Variants in MAN1C1 observed in about 807,000 individuals in gnomAD.
MAN1C1 encodes mannosidase alpha class 1C member 1, also known as mannosyl-oligosaccharide 1,2-alpha-mannosidase IC.
Under a neutral mutation model 71.5 loss-of-function variants are expected in MAN1C1, and 49 were observed. That is an observed-to-expected ratio of 0.69 (90% CI 0.54 to 0.87). The LOEUF (loss-of-function observed/expected upper bound fraction) is 0.87. Ranked by LOEUF, MAN1C1 falls within the 40% of genes least tolerant of loss-of-function variation. MAN1C1 has a pLI of 0.00. For synonymous variants in MAN1C1, 352 were observed against 343.7 expected, an observed-to-expected ratio of 1.02 and a Z score of -0.27; for missense variants, 743 against 835.0, an observed-to-expected ratio of 0.89 and a Z score of 1.36.
intron 1 of MAN1C1, among the ~76,000 whole-genome samples, chr1:25,679,566 A>AT (rs1032896875): frequency 3.9e-5 from 6 of 152,046 alleles, no homozygotes; most frequent in African/African-American, 1.4e-4. Flanking sequence ...GTTAAAAAAA[A>AT]AAAAAAAGGC....
intron 1 of MAN1C1, among the ~76,000 whole-genome samples, chr1:25,626,479 C>T (rs901576133): frequency 6.6e-6 from 1 of 152,072 alleles, no homozygotes; most frequent in Non-Finnish European, 1.5e-5. Context: ...CTGCCTCAGC[C>T]TTCTGAGTAG....
At chr1:25,619,747 C>T (rs1364316531) in intron 1 of MAN1C1, among the ~76,000 whole-genome samples, 1 of 152,164 alleles carries the variant, frequency 6.6e-6, no homozygotes, top group Non-Finnish European at 1.5e-5. Flanking sequence ...TTCATTTCTC[C>T]CTTTCTTGTT....
intron 1 of MAN1C1, among the ~76,000 whole-genome samples, chr1:25,661,741 T>C (rs2045852162): frequency 6.6e-6 from 1 of 152,242 alleles, no homozygotes; most frequent in African/African-American, 2.4e-5. Context: ...CTAATTGTTC[T>C]CAGTGCTGTG....
intron 1 of MAN1C1, among the ~76,000 whole-genome samples, chr1:25,638,835 G>A (rs2045499636): frequency 6.6e-6 from 1 of 152,114 alleles, no homozygotes; most frequent in African/African-American, 2.4e-5. Flanking sequence ...GACTATTGTA[G>A]TTAGGTGTGA....
At chr1:25,624,918 A>T (rs2045270423) in intron 1 of MAN1C1, among the ~76,000 whole-genome samples, 1 of 151,486 alleles carries the variant, frequency 6.6e-6, no homozygotes, top group Non-Finnish European at 1.5e-5. Flanking sequence ...TTGTGATCTC[A>T]TCTTATTTTT....
intron 2 of MAN1C1, among the ~76,000 whole-genome samples, chr1:25,745,957 C>T (rs1389389785): frequency 6.6e-6 from 1 of 151,890 alleles, no homozygotes; most frequent in Non-Finnish European, 1.5e-5. Context: ...CACCATTATA[C>T]TCCAGTCTGA....
chr1:25,679,103 A>G (rs556702662), intron 1 of MAN1C1, among the ~76,000 whole-genome samples: 8 of 152,246 alleles, frequency 5.3e-5, no homozygotes, highest in African/African-American at 1.9e-4. Flanking sequence ...ATTTATGCAG[A>G]AGAGAGAAGG....
rs2047714573 is a variant in MAN1C1, at chr1:25,782,768, C to G, written c.1766+68C>G. 1 of 1,157,626 alleles carries G rather than the reference C, an allele frequency of 8.6e-7. No individual in the cohort carries two copies. The highest frequency in any genetic ancestry group is 1.5e-5 in the African/African-American group (1 of 66,138). The allele number at this position is 1,157,626 out of a possible 1,614,324, so 71.7% of individuals were successfully genotyped here. On this transcript the variant is annotated intron_variant, in intron 11 of 11. Transcript: ENST00000374332. The surrounding 1 kb of genome is among the most constrained non-coding windows in gnomAD (Gnocchi z 4.4). ...TTGAGGGTAGGGGTCCGCAGTCCCT[C>G]CCCTCCACAGTCAGGTTCTGTGGTC...
intron 10 of MAN1C1, among the ~76,000 whole-genome samples, chr1:25,781,573 C>T (rs1244371867): frequency 1.3e-5 from 2 of 152,224 alleles, no homozygotes; most frequent in African/African-American, 2.4e-5. Context: ...CCTACCCTGC[C>T]CTCAGCCTCC....
chr1:25,623,456 G>T (rs112707717), intron 1 of MAN1C1, among the ~76,000 whole-genome samples: 15 of 112,064 alleles, frequency 1.3e-4, no homozygotes, highest in Non-Finnish European at 1.9e-4. Context: ...AGTGGTGGTG[G>T]GGGGGGGTAA....
At position 25,708,871 on chromosome 1, in the gene MAN1C1, C is replaced by T. The variant is rs560546314; in HGVS notation, c.637+22335C>T. On this transcript the variant is annotated intron_variant, in intron 2 of 11. Coordinates refer to ENST00000374332, the MANE Select transcript of MAN1C1 (RefSeq NM_020379.4). ...TGCACTCCAGCCTGGGCAACAAGAG[C>T]GAAACGCTGTCAAAAGAAGAAAAAA... is the stretch of plus-strand genomic sequence containing the variant. Among the ~76,000 whole-genome samples the T allele has an allele frequency of 2.0e-4, 31 of 151,536 alleles. No homozygotes were observed. The South Asian group carries it at 3.3e-3, about 16-fold the overall frequency.
chr1:25,679,978 T>TACACACACAC (rs765199500), intron 1 of MAN1C1, among the ~76,000 whole-genome samples: 5 of 127,204 alleles, frequency 3.9e-5, no homozygotes, highest in African/African-American at 1.3e-4. Flanking sequence ...TATATATATA[T>TACACACACAC]ACACACACAC....
At chr1:25,745,044 A>G (rs1478266534) in intron 2 of MAN1C1, among the ~76,000 whole-genome samples, 1 of 152,256 alleles carries the variant, frequency 6.6e-6, no homozygotes. Context: ...GAAGCCTTTC[A>G]GATAGTAGCA....
Position 25,763,989 on chromosome 1 carries a change from C to T in MAN1C1, c.1141+22C>T, listed in dbSNP as rs370642171. Reference sequence around the variant, plus strand: ...CAACGTGAGTACAGAGACGCCACTGCCCCTTATTCAGCGGGTTCCTGCCCA... The same window carrying T: ...CAACGTGAGTACAGAGACGCCACTGTCCCTTATTCAGCGGGTTCCTGCCCA... On this transcript the variant is annotated intron_variant, in intron 7 of 11. Coordinates refer to ENST00000374332, the MANE Select transcript of MAN1C1 (RefSeq NM_020379.4). 553 of 1,592,144 alleles carry T rather than the reference C, an allele frequency of 3.5e-4. 2 individuals are homozygous for T. Among genetic ancestry groups the T allele is most frequent in the Non-Finnish European group, 2.6e-4 (301 of 1,160,588 alleles).
At chr1:25,677,411 G>GACAC (rs3835656) in intron 1 of MAN1C1, among the ~76,000 whole-genome samples, 6,610 of 150,086 alleles carry the variant, frequency 0.044, 461 homozygotes, top group African/African-American at 0.15. Context: ...CTCTAGCAGG[G>GACAC]ACACACACAC....
chr1:25,753,392 C>T lies in MAN1C1; in HGVS notation c.835-92C>T, dbSNP rs915245577. ...CTGCCCCCTACTCTAGACCTGCAGC[C>T]CTGGGGGGTTCATCCTGCCTGCAGC... On this transcript the variant is annotated intron_variant, in intron 4 of 11. Transcript: ENST00000374332. The surrounding 1 kb of genome is among the most constrained non-coding windows in gnomAD (Gnocchi z 4.9). The T allele has an allele frequency of 3.1e-5, 28 of 903,306 alleles. No individual in the cohort carries two copies. In the African/African-American group the frequency reaches 4.6e-4, roughly 15 times the overall value. The allele number at this position is 903,306 out of a possible 1,614,324, so 56.0% of individuals were successfully genotyped here.
At chr1:25,694,102 T>C (rs1047144911) in intron 2 of MAN1C1, among the ~76,000 whole-genome samples, 3 of 152,232 alleles carry the variant, frequency 2.0e-5, no homozygotes, top group East Asian at 1.9e-4. Flanking sequence ...GTGCAGTCTC[T>C]GAGTGCCCTA....
chr1:25,758,582 G>C lies in MAN1C1; in HGVS notation c.930-10G>C, dbSNP rs368865418. 13 of 1,613,814 alleles carry C rather than the reference G, an allele frequency of 8.1e-6. No homozygotes were observed. The African/African-American group carries it at 1.7e-4, about 22-fold the overall frequency. ...AGGGGGGATGACGGGGGCTGCTTCTGTCTTTTCAGTGGGAACTGGGGCTGG... is the reference window on the plus strand; with the variant it reads ...AGGGGGGATGACGGGGGCTGCTTCTCTCTTTTCAGTGGGAACTGGGGCTGG... On this transcript the variant is annotated splice_polypyrimidine_tract_variant and intron_variant, in intron 5 of 11. Coordinates refer to ENST00000374332, the MANE Select transcript of MAN1C1 (RefSeq NM_020379.4).
Position 25,617,917 on chromosome 1 carries a change from C to T in MAN1C1, c.120C>T (p.Leu40=), listed in dbSNP as rs144925660. 298 of 1,607,244 alleles carry T rather than the reference C, an allele frequency of 1.9e-4. 2 individuals carry two copies. Among genetic ancestry groups the T allele is most frequent in the Non-Finnish European group, 4.6e-5 (54 of 1,177,664 alleles). The change falls in exon 1 of 12, where the codon CTC becomes CTT. Residue 40 remains leucine, a synonymous_variant. Coordinates refer to ENST00000374332, the MANE Select transcript of MAN1C1 (RefSeq NM_020379.4). The surrounding 1 kb of genome is among the most constrained non-coding windows in gnomAD (Gnocchi z 5.1). ...SGLVTLCFGA[L]FLLPHSSRLK... ...TGGTCACCCTGTGCTTCGGGGCCCTCTTCCTGCTGCCCCACTCCTCTCGCC... is the reference window on the plus strand; with the variant it reads ...TGGTCACCCTGTGCTTCGGGGCCCTTTTCCTGCTGCCCCACTCCTCTCGCC...
Sources: allele counts gnomAD v4.1 joint callset (sites outside exome capture counted in the v4.1 genomes callset), GRCh38; gene constraint gnomAD v4.1.1; non-coding constraint Gnocchi (gnomAD v3.1); transcripts MANE v1.5; gene names NCBI Gene and HGNC (gene_info 2026-07-23, HGNC 2026-07-21).